The following DCC variants were observed in gnomAD, a reference collection of about 807,000 sequenced individuals.
The protein encoded by DCC is netrin receptor DCC.
Under a neutral mutation model 172.5 loss-of-function variants are expected in DCC, and 58 were observed. That is an observed-to-expected ratio of 0.34 (90% CI 0.27 to 0.42). The LOEUF is 0.42. Among genes scored for constraint, DCC ranks in the 10% least tolerant of loss-of-function variants. The pLI is 1.00. For synonymous variants in DCC, 709 were observed against 644.5 expected (o/e 1.10, Z -1.52); for missense variants, 1,740 against 1,791.0 (o/e 0.97, Z 0.51).
intron 22 of DCC, 68 bp downstream of exon 22, chr18:53,435,277 G>A: frequency 9.2e-7 from 1 of 1,087,738 alleles, no homozygotes. Flanking sequence ...AGAGTGTCTG[G>A]GGCAAATTTT....
In DCC at chr18:52,507,422, C is replaced by T. The variant is rs191017357; in HGVS notation, c.91+166544C>T. Reference sequence around the variant, plus strand: ...TGACCAGGAAGAGATTAAGCATTTGCATTCTTAATATGTAAATCATAGATA... The same window carrying T: ...TGACCAGGAAGAGATTAAGCATTTGTATTCTTAATATGTAAATCATAGATA... On this transcript the variant is annotated intron_variant, in intron 1 of 28. Transcript: ENST00000442544. Among the ~76,000 whole-genome samples, 391 of 152,272 alleles carry T rather than the reference C, an allele frequency of 2.6e-3. 5 individuals are homozygous for T. The highest frequency in any genetic ancestry group is 9.7e-4 in the Non-Finnish European group (66 of 68,018).
At chr18:52,963,588 G>C (rs1459476601) in intron 5 of DCC, among the ~76,000 whole-genome samples, 3 of 152,128 alleles carry the variant, frequency 2.0e-5, no homozygotes, top group Non-Finnish European at 4.4e-5. Context: ...CAGGATGAAG[G>C]TGGAGGGCAT....
At chr18:52,795,271 G>T (rs796967840) in intron 2 of DCC, among the ~76,000 whole-genome samples, 20 of 151,932 alleles carry the variant, frequency 1.3e-4, no homozygotes, top group African/African-American at 4.6e-4. Context: ...TTTCTTTATT[G>T]GGACGCACCT....
chr18:53,410,334 T>C, intron 19 of DCC, 118 bp from the exon 20 acceptor site: 1 of 737,376 alleles, frequency 1.4e-6, no homozygotes, highest in Non-Finnish European at 2.5e-6. Context: ...CTGCTGTAGT[T>C]TACAGATTGT....
intron 2 of DCC, among the ~76,000 whole-genome samples, chr18:52,775,625 C>T (rs558577324): frequency 6.6e-6 from 1 of 152,156 alleles, no homozygotes; most frequent in African/African-American, 2.4e-5. Context: ...CTCGTCCCGC[C>T]GGTAGATGGC....
intron 21 of DCC, among the ~76,000 whole-genome samples, chr18:53,418,947 T>C (rs1222339551): frequency 6.6e-6 from 1 of 152,136 alleles, no homozygotes. Flanking sequence ...ATAATTCTCC[T>C]TTTTTGCATC....
At chr18:52,454,432 G>T (rs1988397550) in intron 1 of DCC, among the ~76,000 whole-genome samples, 1 of 151,574 alleles carries the variant, frequency 6.6e-6, no homozygotes, top group African/African-American at 2.4e-5. Flanking sequence ...AATTTTATAA[G>T]ATCAGAGAAT....
chr18:52,592,561 T>G (rs2144800388), intron 1 of DCC, among the ~76,000 whole-genome samples: 1 of 152,304 alleles, frequency 6.6e-6, no homozygotes, highest in East Asian at 1.9e-4. Context: ...TTGAGCAGAA[T>G]AGCCAAAGGA....
chr18:53,385,169 T>A (rs1281789167), intron 15 of DCC, among the ~76,000 whole-genome samples: 1 of 152,116 alleles, frequency 6.6e-6, no homozygotes, highest in Non-Finnish European at 1.5e-5. Flanking sequence ...TACATAGAGC[T>A]CCCTGTCCTG....
intron 1 of DCC, among the ~76,000 whole-genome samples, chr18:52,665,843 C>A (rs542762280): frequency 8.5e-5 from 13 of 152,178 alleles, no homozygotes; most frequent in Admixed American, 2.6e-4. Context: ...TTTTAGGATG[C>A]CTGAATTATC....
Position 52,642,016 on chromosome 18 carries a change from A to ATGTGTGTG in DCC, c.92-110037_92-110036insGTGTGTGT, listed in dbSNP as rs1339129882. Reference sequence around the variant, plus strand: ...TAAAGAAACTGTGGTGTGTGTGTGTATATATATATATATATATATATATAT... The same window carrying ATGTGTGTG: ...TAAAGAAACTGTGGTGTGTGTGTGTATGTGTGTGTATATATATATATATATATATATAT... On this transcript the variant is annotated intron_variant, in intron 1 of 28. Coordinates refer to ENST00000442544, the MANE Select transcript of DCC (RefSeq NM_005215.4). Among the ~76,000 whole-genome samples the ATGTGTGTG allele has an allele frequency of 3.4e-3, 130 of 38,582 alleles. 4 individuals are homozygous for ATGTGTGTG. Among genetic ancestry groups the ATGTGTGTG allele is most frequent in the African/African-American group, 0.011 (121 of 10,530 alleles). The allele number at this position is 38,582 out of a possible 152,430, so 25.3% of individuals were successfully genotyped here. A position where few individuals can be genotyped will look rare whatever the true frequency, so the allele number is the denominator to read the frequency against.
chr18:53,050,636 C>T (rs542152253), intron 5 of DCC, among the ~76,000 whole-genome samples: 145 of 152,122 alleles, frequency 9.5e-4, no homozygotes, highest in Middle Eastern at 6.8e-3. Context: ...TATCTTGAAA[C>T]TTTGCTGAAG....
At chr18:52,546,378 AG>A (rs1250637060) in intron 1 of DCC, among the ~76,000 whole-genome samples, 2 of 152,114 alleles carry the variant, frequency 1.3e-5, no homozygotes, top group African/African-American at 4.8e-5. Context: ...TATACAGCAA[AG>A]AAGTAGAAAC....
At chr18:53,520,556 T>C (rs1260372715) in intron 27 of DCC, among the ~76,000 whole-genome samples, 1 of 151,966 alleles carries the variant, frequency 6.6e-6, no homozygotes, top group East Asian at 1.9e-4. Flanking sequence ...AAGAAGCCAT[T>C]TATGCTTGGT....
At chr18:53,391,281 C>G (rs941314220) in intron 16 of DCC, among the ~76,000 whole-genome samples, 7 of 152,050 alleles carry the variant, frequency 4.6e-5, no homozygotes, top group African/African-American at 1.7e-4. Context: ...CCATTTTTAT[C>G]TTATTATTTT....
At chr18:53,474,036 A>G (rs1000059142) in intron 25 of DCC, among the ~76,000 whole-genome samples, 3 of 90,772 alleles carry the variant, frequency 3.3e-5, no homozygotes, top group East Asian at 5.5e-4. Flanking sequence ...TATTTTTGTA[A>G]TTATCAGATA....
At chr18:52,736,853 T>A (rs1037834386) in intron 1 of DCC, among the ~76,000 whole-genome samples, 13 of 151,702 alleles carry the variant, frequency 8.6e-5, no homozygotes, top group Non-Finnish European at 1.8e-4. Flanking sequence ...ATATCTGGGG[T>A]CACATGTTGA....
intron 1 of DCC, among the ~76,000 whole-genome samples, chr18:52,658,608 A>C (rs1032527361): frequency 6.6e-6 from 1 of 151,400 alleles, no homozygotes; most frequent in African/African-American, 2.4e-5. Context: ...TCTGAGAAAT[A>C]TGATGAGATT....
chr18:53,024,555 C>T (rs890229176), intron 5 of DCC, among the ~76,000 whole-genome samples: 1 of 152,100 alleles, frequency 6.6e-6, no homozygotes, highest in African/African-American at 2.4e-5. Context: ...AGGTTTCATC[C>T]ACTGAATCAC....
Sources: gnomAD v4.1 joint callset for allele counts (sites outside exome capture counted in the v4.1 genomes callset) on GRCh38, gnomAD v4.1.1 for gene constraint, MANE v1.5 for transcripts, NCBI Gene and HGNC (gene_info 2026-07-23, HGNC 2026-07-21) for gene names.